MAP2: variants seen among roughly 807,000 people sequenced by gnomAD.
The protein encoded by MAP2 is microtubule associated protein 2, also known as microtubule-associated protein 2.
Under a neutral mutation model 137.6 loss-of-function variants are expected in MAP2, and 14 were observed. The ratio of observed to expected loss-of-function variants is 0.10; its 90% CI spans 0.07 to 0.16. The LOEUF is 0.16. MAP2 is among the 10% of genes least tolerant of loss of function. MAP2 has a pLI of 1.00. For synonymous variants in MAP2, 786 were observed against 782.3 expected (o/e 1.00, Z -0.08); for missense variants, 2,088 against 2,191.5 (o/e 0.95, Z 0.94).
intron 2 of MAP2, among the ~76,000 whole-genome samples, chr2:209,549,038 A>G (rs2068643859): frequency 1.3e-5 from 2 of 152,164 alleles, no homozygotes; most frequent in African/African-American, 2.4e-5. Context: ...ACTTTTTTCA[A>G]TCATAAGGCT....
At chr2:209,520,056 A>C (rs1477771199) in intron 2 of MAP2, among the ~76,000 whole-genome samples, 1 of 151,976 alleles carries the variant, frequency 6.6e-6, no homozygotes, top group Admixed American at 6.6e-5. Flanking sequence ...CTGCTCAACT[A>C]CTCATTCAGT....
intron 1 of MAP2, among the ~76,000 whole-genome samples, chr2:209,469,042 T>C (rs888081393): frequency 3.9e-5 from 6 of 152,226 alleles, no homozygotes; most frequent in African/African-American, 1.4e-4. Context: ...GAAATCTTAC[T>C]AATAAGAACC....
intron 2 of MAP2, among the ~76,000 whole-genome samples, chr2:209,541,354 C>A (rs1198329961): frequency 6.6e-6 from 1 of 151,168 alleles, no homozygotes; most frequent in Non-Finnish European, 1.5e-5. Flanking sequence ...AAGCTTTCTG[C>A]AAGTCATAGT....
At chr2:209,546,078 G>C (rs1172372315) in intron 2 of MAP2, among the ~76,000 whole-genome samples, 3 of 152,178 alleles carry the variant, frequency 2.0e-5, no homozygotes, top group African/African-American at 4.8e-5. Flanking sequence ...GGGAGGCAGA[G>C]GTTGCGGTAA....
intron 2 of MAP2, among the ~76,000 whole-genome samples, chr2:209,515,875 C>T (rs2062417981): frequency 6.6e-6 from 1 of 152,138 alleles, no homozygotes. Flanking sequence ...CAGCCTTAAC[C>T]TACCCAGCTC....
chr2:209,657,827 T>C (rs911479526), intron 5 of MAP2, among the ~76,000 whole-genome samples: 4 of 152,228 alleles, frequency 2.6e-5, no homozygotes, highest in African/African-American at 9.6e-5. Context: ...TTAGTCATTA[T>C]AATTCTTTGC....
chr2:209,462,868 A>G (rs1251506599), intron 1 of MAP2, among the ~76,000 whole-genome samples: 1 of 152,164 alleles, frequency 6.6e-6, no homozygotes, highest in Non-Finnish European at 1.5e-5. Context: ...AAGATTTTCC[A>G]TTGTAAATAA....
intron 2 of MAP2, among the ~76,000 whole-genome samples, chr2:209,522,653 G>A (rs879672058): frequency 4.6e-5 from 7 of 152,118 alleles, no homozygotes; most frequent in Admixed American, 3.3e-4. Flanking sequence ...TTGTAAGGAC[G>A]TGGCCTAAGA....
chr2:209,677,172 C>T (rs1257057404), intron 5 of MAP2, among the ~76,000 whole-genome samples: 2 of 151,846 alleles, frequency 1.3e-5, no homozygotes, highest in Non-Finnish European at 2.9e-5. Flanking sequence ...TAATCCTCCT[C>T]ATAATGCTTT....
At chr2:209,446,285 A>G (rs1699035671) in intron 1 of MAP2, among the ~76,000 whole-genome samples, 1 of 151,682 alleles carries the variant, frequency 6.6e-6, no homozygotes, top group South Asian at 2.1e-4. Context: ...TAACAATTTG[A>G]CTGTAGTTAT....
rs1273203000 is a variant in MAP2 at position 209,695,905 on chromosome 2, T to C, written c.3735T>C (p.Tyr1245=). The C allele has an allele frequency of 2.5e-6, 4 of 1,613,908 alleles. No homozygotes were observed. The highest frequency in any genetic ancestry group is 2.2e-5 in the South Asian group (2 of 91,080). ...AAGAGATAGAAGCCCAGGGAGAATATGATAAACTGCTCTTCCGCTCAGACA... is the reference window on the plus strand; with the variant it reads ...AAGAGATAGAAGCCCAGGGAGAATACGATAAACTGCTCTTCCGCTCAGACA... The part of the protein sequence containing the change: ...EEEEIEAQGE[Y]DKLLFRSDTL... The change falls in exon 8 of 16, where the codon TAT becomes TAC. Residue 1245 remains tyrosine, a synonymous_variant. Transcript: ENST00000682079.
chr2:209,632,441 G>C (rs1206378335), intron 4 of MAP2, among the ~76,000 whole-genome samples: 1 of 152,082 alleles, frequency 6.6e-6, no homozygotes, highest in East Asian at 1.9e-4. Context: ...TACAGAAAAT[G>C]ACATTTAAGT....
intron 2 of MAP2, among the ~76,000 whole-genome samples, chr2:209,571,541 G>A (rs1362093983): frequency 2.0e-5 from 3 of 152,004 alleles, no homozygotes; most frequent in Non-Finnish European, 4.4e-5. Flanking sequence ...ATGTATGAGA[G>A]TCTTAGTTGT....
intron 1 of MAP2, among the ~76,000 whole-genome samples, chr2:209,474,677 T>C (rs1268411862): frequency 2.0e-5 from 3 of 152,162 alleles, no homozygotes; most frequent in Non-Finnish European, 4.4e-5. Flanking sequence ...AGTATAACTT[T>C]ATTACACCAC....
intron 5 of MAP2, 59 bp downstream of exon 5, chr2:209,653,491 C>G: frequency 6.6e-7 from 1 of 1,513,708 alleles, no homozygotes. Flanking sequence ...TCAGTTTAGT[C>G]TGAAAGTGAA....
chr2:209,503,106 C>T (rs753153113), intron 1 of MAP2, among the ~76,000 whole-genome samples: 10 of 150,350 alleles, frequency 6.7e-5, no homozygotes, highest in Non-Finnish European at 1.0e-4. Context: ...CTCAATCAAA[C>T]CTGCCACCTC....
At chr2:209,543,723 A>G (rs1273889428) in intron 2 of MAP2, among the ~76,000 whole-genome samples, 1 of 152,216 alleles carries the variant, frequency 6.6e-6, no homozygotes, top group African/African-American at 2.4e-5. Context: ...GATACCACGC[A>G]TGTATTTTAA....
chr2:209,533,553 A>G (rs1001318196), intron 2 of MAP2, among the ~76,000 whole-genome samples: 2 of 152,248 alleles, frequency 1.3e-5, no homozygotes, highest in African/African-American at 4.8e-5. Context: ...CTACATCCAG[A>G]TGCAGCTACA....
chr2:209,469,187 T>C (rs960074315), intron 1 of MAP2, among the ~76,000 whole-genome samples: 2 of 152,194 alleles, frequency 1.3e-5, no homozygotes, highest in Non-Finnish European at 2.9e-5. Context: ...ATCTCTTGAG[T>C]CAGCTTACCA....
Sources: allele counts gnomAD v4.1 joint callset (sites outside exome capture counted in the v4.1 genomes callset), GRCh38; gene constraint gnomAD v4.1.1; transcripts MANE v1.5; gene names NCBI Gene and HGNC (gene_info 2026-07-23, HGNC 2026-07-21).